The following TRPV1 variants were observed in gnomAD, a reference collection of about 807,000 sequenced individuals.
The protein encoded by TRPV1 is OTRPC1.
A neutral mutation model predicts 82.3 loss-of-function variants in TRPV1; 82 were observed. That is an observed-to-expected ratio of 1.00 (90% CI 0.83 to 1.20). The LOEUF (loss-of-function observed/expected upper bound fraction) is 1.20, where lower values mean the gene tolerates loss of function less well. Ranked by LOEUF, TRPV1 falls within the 50% of genes most tolerant of loss-of-function variation. The pLI, the probability that TRPV1 is intolerant of heterozygous loss-of-function variation, is 0.00. For synonymous variants in TRPV1, 515 were observed against 467.7 expected (o/e 1.10, Z -1.30); for missense variants, 1,067 against 1,096.8 (o/e 0.97, Z 0.38).
chr17:3,577,790 G>A (rs769727318), intron 11 of TRPV1, 27 bp from the exon 12 acceptor site: 35 of 1,573,612 alleles, frequency 2.2e-5, no homozygotes, highest in Middle Eastern at 1.7e-4. Context: ...AGAAAGCTCC[G>A]TCTACGGGAA....
Position 3,591,090 on chromosome 17 carries a change from G to T in TRPV1, c.478C>A (p.Leu160Met), listed in dbSNP as rs1236093161. The T allele has an allele frequency of 6.2e-7, 1 of 1,613,064 alleles. No homozygotes were observed. The highest frequency in any genetic ancestry group is 1.7e-5 in the Admixed American group (1 of 59,844). ...TCGTGCAGGTTGAGCATGGCTTTCAGCAGACAGGTCTTCCCTGTCTCAGGG... is the reference window on the plus strand; with the variant it reads ...TCGTGCAGGTTGAGCATGGCTTTCATCAGACAGGTCTTCCCTGTCTCAGGG... The part of the protein sequence containing the change: ...KDPETGKTCL[L>M]KAMLNLHDGQ... Residue 160 changes from leucine to methionine, a missense_variant, in exon 5 of 17, where the codon CTG becomes ATG. Leu to Met is a conservative substitution (Grantham distance 15). Coordinates refer to ENST00000572705, the MANE Select transcript of TRPV1 (RefSeq NM_080704.4).
chr17:3,583,627 C>A (rs2075048322), intron 9 of TRPV1, among the ~76,000 whole-genome samples, 197 bp from the exon 10 acceptor site: 1 of 152,252 alleles, frequency 6.6e-6, no homozygotes, highest in Admixed American at 6.5e-5. Context: ...AAGTGGCAGC[C>A]TGCAGGTGCC....
Position 3,566,665 on chromosome 17 carries a change from C to G in TRPV1, c.*150G>C, listed in dbSNP as rs2074766568. 1.0e-6 allele frequency: 1 copy of G among 961,928 alleles called. No individual in the cohort carries two copies. Among genetic ancestry groups the G allele is most frequent in the African/African-American group, 1.6e-5 (1 of 60,750 alleles). The allele number at this position is 961,928 out of a possible 1,614,324, so 59.6% of individuals were successfully genotyped here. On this transcript the variant is annotated 3_prime_UTR_variant, in exon 17 of 17. Transcript: ENST00000572705. ...TCCCCATGCTTCCAAGAACGCTTCC[C>G]ACAGCTTGTCCAGCACAGATTTGGG... is the stretch of plus-strand genomic sequence containing the variant.
chr17:3,580,627 G>C (rs561799864), intron 10 of TRPV1, 100 bp from the exon 11 acceptor site: 2 of 1,234,508 alleles, frequency 1.6e-6, no homozygotes, highest in African/African-American at 1.5e-5. Flanking sequence ...TGGGGTGGTC[G>C]AATGTGTGAA....
At chr17:3,590,600 G>C (rs1432278536) in intron 5 of TRPV1, among the ~76,000 whole-genome samples, 1 of 152,198 alleles carries the variant, frequency 6.6e-6, no homozygotes, top group African/African-American at 2.4e-5. Context: ...CCTGGGAACA[G>C]GAAATAACGG....
In TRPV1 at chr17:3,585,772, C is replaced by G. The variant is rs181799445; in HGVS notation, c.1379G>C (p.Gly460Ala). Residue 460 changes from glycine (G) to alanine (A), a missense_variant, in exon 9 of 17, where the codon GGC (glycine) becomes GCC (alanine). Coordinates refer to ENST00000572705, the MANE Select transcript of TRPV1 (RefSeq NM_080704.4). The part of the protein sequence containing the change: ...TMAAYYRPVD[G>A]LPPFKMEKTG... Reference sequence around the variant, plus strand: ...GGCCTGAGCCTCTGGCCGCACCAAGCCATCCACGGGCCTGTAGTAGGCAGC... The same window carrying G: ...GGCCTGAGCCTCTGGCCGCACCAAGGCATCCACGGGCCTGTAGTAGGCAGC... 26 of 1,612,896 alleles carry G rather than the reference C, an allele frequency of 1.6e-5. No individual in the cohort carries two copies. The highest frequency in any genetic ancestry group is 2.2e-5 in the Non-Finnish European group (26 of 1,179,424).
At chr17:3,588,044 G>T in intron 8 of TRPV1, 144 bp downstream of exon 8, 1 of 867,904 alleles carries the variant, frequency 1.2e-6, no homozygotes, top group Non-Finnish European at 1.7e-6. Flanking sequence ...GGGCATGAGT[G>T]GGGAACGTGA....
intron 11 of TRPV1, chr17:3,578,083 G>T (rs1329168940): frequency 5.2e-5 from 11 of 211,074 alleles, no homozygotes; most frequent in Non-Finnish European, 8.9e-5. Context: ...GGCATGCGGA[G>T]CACAAGGTCA....
At chr17:3,593,681 T>C (rs2075189354) in intron 2 of TRPV1, among the ~76,000 whole-genome samples, 1 of 152,200 alleles carries the variant, frequency 6.6e-6, no homozygotes. Flanking sequence ...TGCTCCCCGC[T>C]GTCCTCCACA....
In TRPV1 at chr17:3,579,373, C is replaced by T. The variant is rs561004906; in HGVS notation, c.1547+1084G>A. On this transcript the variant is annotated intron_variant, in intron 11 of 16. Transcript: ENST00000572705. The stretch of plus-strand genomic sequence containing the variant: ...AGAGATCAGGACGGGGACTGTGAGC[C>T]GAGATCCCAGGAGACAGGTCCTGGA... 2.0e-5 allele frequency among the ~76,000 whole-genome samples: 3 copies of T among 152,194 alleles called. No individual in the cohort carries two copies. The East Asian group carries it at 5.8e-4, about 29-fold the overall frequency.
intron 11 of TRPV1, among the ~76,000 whole-genome samples, chr17:3,579,442 C>G (rs1456140567): frequency 6.6e-6 from 1 of 151,320 alleles, no homozygotes; most frequent in Non-Finnish European, 1.5e-5. Context: ...GGCTTACTTT[C>G]TGAAGGAAGG....
At chr17:3,584,388 G>A (rs1427146733) in intron 9 of TRPV1, among the ~76,000 whole-genome samples, 1 of 114,982 alleles carries the variant, frequency 8.7e-6, no homozygotes, top group Non-Finnish European at 1.6e-5. Flanking sequence ...GGAAAACAGA[G>A]AGAGACTCTG....
intron 9 of TRPV1, 90 bp downstream of exon 9, chr17:3,585,678 G>A (rs1412218642): frequency 6.8e-6 from 10 of 1,476,236 alleles, no homozygotes; most frequent in Non-Finnish European, 9.1e-6. Flanking sequence ...GCAGAGCCTG[G>A]GCCTGGGGTC....
intron 2 of TRPV1, among the ~76,000 whole-genome samples, chr17:3,605,866 G>C (rs2075293304): frequency 6.6e-6 from 1 of 152,184 alleles, no homozygotes. Context: ...GTGCATGGGA[G>C]ACGTCCCAGG....
At chr17:3,569,178 A>C (rs1312529747) in intron 16 of TRPV1, among the ~76,000 whole-genome samples, 2 of 152,184 alleles carry the variant, frequency 1.3e-5, no homozygotes, top group Non-Finnish European at 2.9e-5. Flanking sequence ...ATGACGAGTT[A>C]ATGGGTGCAG....
intron 2 of TRPV1, among the ~76,000 whole-genome samples, chr17:3,603,214 A>G (rs916347974): frequency 2.6e-5 from 4 of 152,134 alleles, no homozygotes; most frequent in African/African-American, 9.7e-5. Context: ...CCAAGAGTCT[A>G]AAAGACCAGC....
At chr17:3,576,689 A>ATATATATG (rs1333871628) in intron 13 of TRPV1, among the ~76,000 whole-genome samples, 2 of 99,666 alleles carry the variant, frequency 2.0e-5, no homozygotes, top group East Asian at 6.3e-4. Context: ...ATATATATAT[A>ATATATATG]TGCATAAAAA....
At chr17:3,571,047 C>T (rs1249269522) in intron 16 of TRPV1, among the ~76,000 whole-genome samples, 5 of 152,202 alleles carry the variant, frequency 3.3e-5, no homozygotes, top group Admixed American at 1.3e-4. Context: ...AAGGCATCCC[C>T]TTTCTTCTTC....
Position 3,590,905 on chromosome 17 carries a change from G to GT in TRPV1, c.604+58_604+59insA, listed in dbSNP as rs1555551230. 1.7e-5 allele frequency: 25 copies of GT among 1,500,164 alleles called. No homozygotes were observed. In the Admixed American group the frequency reaches 5.3e-4, roughly 32 times the overall value. The allele number at this position is 1,500,164 out of a possible 1,614,324, so 92.9% of individuals were successfully genotyped here. A position where few individuals can be genotyped will look rare whatever the true frequency, so the allele number is the denominator to read the frequency against. ...AGCAAGGAGGCCCAGGGACAACCAT[G>GT]CCCCCCTGCTTCCCGGTGCTGCGGG... is the stretch of plus-strand genomic sequence containing the variant. On this transcript the variant is annotated intron_variant, in intron 5 of 16. Coordinates refer to ENST00000572705, the MANE Select transcript of TRPV1 (RefSeq NM_080704.4).
Sources: allele counts gnomAD v4.1 joint callset (sites outside exome capture counted in the v4.1 genomes callset), GRCh38; gene constraint gnomAD v4.1.1; transcripts MANE v1.5; gene names NCBI Gene and HGNC (gene_info 2026-07-23, HGNC 2026-07-21).